DKK2: variants seen among roughly 807,000 people sequenced by gnomAD.
The protein encoded by DKK2 is dickkopf-related protein 2.
Under a neutral mutation model 28.1 loss-of-function variants are expected in DKK2, and 11 were observed. That is an observed-to-expected ratio of 0.39 (90% CI 0.25 to 0.65). DKK2 has a LOEUF of 0.65. DKK2 is among the 30% of genes least tolerant of loss of function. The pLI is 0.47. For synonymous variants in DKK2, 135 were observed against 126.5 expected, an observed-to-expected ratio of 1.07 and a Z score of -0.45; for missense variants, 326 against 335.5, an observed-to-expected ratio of 0.97 and a Z score of 0.22.
At position 106,924,527 on chromosome 4, in the gene DKK2, A is replaced by G; in HGVS notation, c.529+18T>C. ...TTTCTTTATTTTAAAAAAACCCCAG[A>G]ACTACAGATATCCCTACCTTTTATA... On this transcript the variant is annotated intron_variant, in intron 3 of 3. Transcript: ENST00000285311. 1.9e-6 allele frequency: 3 copies of G among 1,609,738 alleles called. No homozygotes were observed. The highest frequency in any genetic ancestry group is 2.5e-6 in the Non-Finnish European group (3 of 1,178,166).
chr4:106,921,955 A>G lies in DKK2; in HGVS notation c.*1999T>C, dbSNP rs1451375026. ...TACATCTCATTAACATTTCCTGTAAATAAATTACTTCAAATAATAATTTTT... is the reference window on the plus strand; with the variant it reads ...TACATCTCATTAACATTTCCTGTAAGTAAATTACTTCAAATAATAATTTTT... On this transcript the variant is annotated 3_prime_UTR_variant, in exon 4 of 4. Coordinates refer to ENST00000285311, the MANE Select transcript of DKK2 (RefSeq NM_014421.3). The G allele has an allele frequency of 6.6e-6, 1 of 152,618 alleles. No individual in the cohort carries two copies. The highest frequency in any genetic ancestry group is 2.4e-5 in the African/African-American group (1 of 41,460). The allele number at this position is 152,618 out of a possible 1,614,324, so 9.5% of individuals were successfully genotyped here.
intron 1 of DKK2, among the ~76,000 whole-genome samples, chr4:106,971,105 T>C (rs1204522369): frequency 6.6e-6 from 1 of 152,126 alleles, no homozygotes; most frequent in Admixed American, 6.6e-5. Flanking sequence ...GTTTTCTAGC[T>C]TTGTGTTCCC....
chr4:106,941,856 G>C (rs1000917699), intron 1 of DKK2, among the ~76,000 whole-genome samples: 1 of 152,030 alleles, frequency 6.6e-6, no homozygotes. Context: ...TTAAGTTTCT[G>C]ATAATAGCAA....
At chr4:107,001,492 G>A (rs1305209999) in intron 1 of DKK2, among the ~76,000 whole-genome samples, 2 of 151,998 alleles carry the variant, frequency 1.3e-5, no homozygotes, top group Admixed American at 1.3e-4. Flanking sequence ...CCTACATTCA[G>A]GATTGCATTA....
At chr4:106,994,674 G>C (rs1235141529) in intron 1 of DKK2, among the ~76,000 whole-genome samples, 3 of 152,198 alleles carry the variant, frequency 2.0e-5, no homozygotes, top group African/African-American at 7.2e-5. Context: ...ACATAACTGT[G>C]TAAGTAACAG....
At chr4:107,015,409 T>G (rs1723583007) in intron 1 of DKK2, among the ~76,000 whole-genome samples, 1 of 151,600 alleles carries the variant, frequency 6.6e-6, no homozygotes, top group Non-Finnish European at 1.5e-5. Context: ...TTATCTCTCT[T>G]GTAACTCCTT....
intron 1 of DKK2, among the ~76,000 whole-genome samples, chr4:106,946,782 C>A (rs1724782610): frequency 6.6e-6 from 1 of 151,940 alleles, no homozygotes; most frequent in African/African-American, 2.4e-5. Context: ...CTTCCACAAG[C>A]TGGATGGTTC....
intron 1 of DKK2, among the ~76,000 whole-genome samples, chr4:106,972,722 T>C (rs148085745): frequency 6.4e-4 from 98 of 152,208 alleles, no homozygotes; most frequent in African/African-American, 2.0e-3. Flanking sequence ...TATTATATTC[T>C]TGTCATATGA....
chr4:106,942,815 A>G (rs1220578117), intron 1 of DKK2, among the ~76,000 whole-genome samples: 1 of 151,996 alleles, frequency 6.6e-6, no homozygotes, highest in Admixed American at 6.6e-5. Context: ...ATCTGGAACT[A>G]TGTTTAGTAC....
chr4:106,980,253 A>G (rs1723008481), intron 1 of DKK2, among the ~76,000 whole-genome samples: 1 of 152,102 alleles, frequency 6.6e-6, no homozygotes, highest in African/African-American at 2.4e-5. Context: ...TATCTTTACT[A>G]TCTACACATC....
chr4:106,997,151 T>C (rs1723283834), intron 1 of DKK2, among the ~76,000 whole-genome samples: 1 of 152,110 alleles, frequency 6.6e-6, no homozygotes, highest in African/African-American at 2.4e-5. Flanking sequence ...GTGCCCATCG[T>C]TTAGTTCCAG....
chr4:106,932,282 C>T (rs1724515143), intron 1 of DKK2, among the ~76,000 whole-genome samples: 1 of 152,088 alleles, frequency 6.6e-6, no homozygotes, highest in Non-Finnish European at 1.5e-5. Flanking sequence ...TCTAGTGGTC[C>T]ATTAGCCTCT....
At chr4:106,958,852 A>G (rs112167080) in intron 1 of DKK2, among the ~76,000 whole-genome samples, 11,572 of 147,258 alleles carry the variant, frequency 0.079, 581 homozygotes, top group African/African-American at 0.13. Context: ...AAAAAAAAAA[A>G]AAAGAAAGAA....
chr4:107,009,741 C>G (rs576786905), intron 1 of DKK2, among the ~76,000 whole-genome samples: 1 of 151,740 alleles, frequency 6.6e-6, no homozygotes, highest in Non-Finnish European at 1.5e-5. Context: ...AATACACAAG[C>G]CCTCACTTTG....
At chr4:106,961,485 C>T (rs915958628) in intron 1 of DKK2, among the ~76,000 whole-genome samples, 5 of 151,706 alleles carry the variant, frequency 3.3e-5, no homozygotes, top group African/African-American at 1.2e-4. Flanking sequence ...TTTCAACAAA[C>T]AACCATATAA....
chr4:106,926,420 T>C (rs1388697072), intron 1 of DKK2, among the ~76,000 whole-genome samples: 1 of 152,168 alleles, frequency 6.6e-6, no homozygotes, highest in Non-Finnish European at 1.5e-5. Context: ...TGCCCAATTA[T>C]GAAACAAATA....
intron 1 of DKK2, among the ~76,000 whole-genome samples, chr4:107,002,144 A>T (rs1341610436): frequency 2.0e-5 from 3 of 152,250 alleles, no homozygotes; most frequent in African/African-American, 4.8e-5. Context: ...TTCAATTTCA[A>T]AACCATCTGT....
intron 1 of DKK2, among the ~76,000 whole-genome samples, chr4:107,005,219 T>C (rs1027392967): frequency 4.6e-5 from 7 of 151,530 alleles, no homozygotes; most frequent in Non-Finnish European, 8.8e-5. Context: ...TGGACACCTG[T>C]AGTCCCAGCT....
chr4:106,987,884 A>C (rs1379181771), intron 1 of DKK2, among the ~76,000 whole-genome samples: 1 of 124,596 alleles, frequency 8.0e-6, no homozygotes, highest in Admixed American at 8.9e-5. Flanking sequence ...TTTTTTTTTG[A>C]GATGGAGTCT....
Sources: gnomAD v4.1 joint callset for allele counts (sites outside exome capture counted in the v4.1 genomes callset) on GRCh38, gnomAD v4.1.1 for gene constraint, MANE v1.5 for transcripts, NCBI Gene and HGNC (gene_info 2026-07-23, HGNC 2026-07-21) for gene names.